Variants in LYRM4 observed in about 807,000 individuals in gnomAD.
LYRM4 encodes the protein LYR motif containing 4.
In LYRM4, 9 loss-of-function variants were observed where a neutral mutation model predicts 11.7. The observed-to-expected ratio is 0.77, with a 90% CI of 0.46 to 1.34. The LOEUF is 1.34. LYRM4 is among the 40% of genes most tolerant of loss of function. LYRM4 has a pLI of 0.00. For synonymous variants in LYRM4, 42 were observed against 40.4 expected, an observed-to-expected ratio of 1.04 and a Z score of -0.15; for missense variants, 133 against 112.5, an observed-to-expected ratio of 1.18 and a Z score of -0.82.
At chr6:5,152,111 T>C (rs1439148205) in intron 2 of LYRM4, among the ~76,000 whole-genome samples, 1 of 152,188 alleles carries the variant, frequency 6.6e-6, no homozygotes, top group South Asian at 2.1e-4. Context: ...CTGGAACCAC[T>C]AAGTATGGGA....
At chr6:5,094,500 A>C in the LYRM4 span, among the ~76,000 whole-genome samples, 1 of 152,184 alleles carries the variant, frequency 6.6e-6, no homozygotes, top group Non-Finnish European at 1.5e-5. Context: ...AAAACAAAAC[A>C]ACAAATTAGA....
intron 1 of LYRM4, among the ~76,000 whole-genome samples, chr6:5,252,750 T>G (rs1764492912): frequency 6.6e-6 from 1 of 152,208 alleles, no homozygotes; most frequent in Admixed American, 6.5e-5. Context: ...TGGCTGTGAC[T>G]GCCCTTCTTC....
intron 2 of LYRM4, among the ~76,000 whole-genome samples, chr6:5,171,148 T>C (rs1399309953): frequency 2.0e-5 from 3 of 152,220 alleles, no homozygotes; most frequent in Admixed American, 2.0e-4. Context: ...GATAAAAAGA[T>C]TATGAATATT....
the LYRM4 span, among the ~76,000 whole-genome samples, chr6:5,063,733 A>T: frequency 2.6e-5 from 4 of 152,082 alleles, no homozygotes; most frequent in Admixed American, 1.3e-4. Context: ...TTGGGGAGCC[A>T]TCTCCCGGGA....
chr6:5,165,482 A>G (rs1353023423), intron 2 of LYRM4, among the ~76,000 whole-genome samples: 4 of 152,162 alleles, frequency 2.6e-5, no homozygotes, highest in African/African-American at 9.7e-5. Context: ...ATTTTTAGAT[A>G]TGACATAACC....
intron 1 of LYRM4, among the ~76,000 whole-genome samples, chr6:5,248,234 C>T (rs923687455): frequency 1.3e-5 from 2 of 152,226 alleles, no homozygotes; most frequent in Non-Finnish European, 2.9e-5. Flanking sequence ...CCAGCTAATT[C>T]TGTTTATCAA....
intron 2 of LYRM4, among the ~76,000 whole-genome samples, chr6:5,149,815 C>T (rs896486191): frequency 1.3e-5 from 2 of 152,184 alleles, no homozygotes; most frequent in African/African-American, 4.8e-5. Context: ...CACACATGGA[C>T]ACACATATGC....
the LYRM4 span, among the ~76,000 whole-genome samples, chr6:5,047,915 A>G: frequency 2.0e-5 from 3 of 152,298 alleles, no homozygotes; most frequent in Middle Eastern, 3.4e-3. Context: ...GTTATGAGGA[A>G]GGGTTCCCAG....
rs575700257 is a variant in LYRM4 at position 5,161,880 on chromosome 6, C to A, written c.208-52389G>T. On this transcript the variant is annotated intron_variant, in intron 2 of 2. Coordinates refer to ENST00000330636, the MANE Select transcript of LYRM4 (RefSeq NM_020408.6). ...CTCTCTGCTGAGATAACACTGGGTG[C>A]CCATTATCTTCAGCGAGGTTCTCAA... 3.9e-5 allele frequency among the ~76,000 whole-genome samples: 6 copies of A among 152,260 alleles called. No individual in the cohort carries two copies. The South Asian group carries it at 1.0e-3, about 26-fold the overall frequency.
intron 2 of LYRM4, among the ~76,000 whole-genome samples, chr6:5,118,603 C>T (rs1466917683): frequency 1.3e-5 from 2 of 152,166 alleles, no homozygotes; most frequent in African/African-American, 4.8e-5. Context: ...GGTGAGATCC[C>T]AGCATGGAGA....
At chr6:5,062,135 T>C in the LYRM4 span, among the ~76,000 whole-genome samples, 1 of 145,574 alleles carries the variant, frequency 6.9e-6, no homozygotes, top group Non-Finnish European at 1.5e-5. Flanking sequence ...CCCAGGCTAG[T>C]GTGCAGTGGT....
the LYRM4 span, among the ~76,000 whole-genome samples, chr6:5,090,015 G>GACACACACACACACACACACACACAC: frequency 4.1e-4 from 61 of 149,748 alleles, no homozygotes; most frequent in African/African-American, 1.4e-3. This position sits in a 1 kb window ranked among gnomAD's most constrained non-coding sequence, Gnocchi z 4.8. Flanking sequence ...CTGAAAGGAA[G>GACACACACACACACACACACACACAC]ACACACACAC....
At chr6:5,066,160 G>T in the LYRM4 span, 1 of 618,560 alleles carries the variant, frequency 1.6e-6, no homozygotes. Flanking sequence ...CCCATTTTGG[G>T]TGTATACATC....
At chr6:5,055,742 C>T in the LYRM4 span, among the ~76,000 whole-genome samples, 1 of 152,188 alleles carries the variant, frequency 6.6e-6, no homozygotes, top group South Asian at 2.1e-4. The surrounding 1 kb of genome is among the most constrained non-coding windows in gnomAD (Gnocchi z 4.5). Flanking sequence ...GCTAAGACAT[C>T]TCTGGTCCCC....
chr6:5,070,096 T>C, the LYRM4 span, among the ~76,000 whole-genome samples: 3 of 152,236 alleles, frequency 2.0e-5, no homozygotes, highest in African/African-American at 7.2e-5. Flanking sequence ...ATTATTCCAT[T>C]TTACAGATAA....
the LYRM4 span, chr6:5,086,291 C>G: frequency 2.0e-6 from 3 of 1,535,586 alleles, no homozygotes; most frequent in Admixed American, 3.9e-5. Context: ...GAGCTGCAGC[C>G]CGAGCCGCTG....
chr6:5,089,619 ATATTT>A, the LYRM4 span: 1 of 152,242 alleles, frequency 6.6e-6, no homozygotes, highest in African/African-American at 2.4e-5. Context: ...TTTCAAAACT[ATATTT>A]TAAAGTTCAA....
intron 2 of LYRM4, among the ~76,000 whole-genome samples, chr6:5,173,964 TG>T (rs377092125): frequency 0.013 from 1,992 of 152,248 alleles, 39 homozygotes; most frequent in African/African-American, 0.044. Flanking sequence ...AACTATAGAC[TG>T]GGGGGCTTTG....
chr6:5,214,632 G>T (rs1260270469), intron 2 of LYRM4, among the ~76,000 whole-genome samples: 1 of 152,196 alleles, frequency 6.6e-6, no homozygotes, highest in Non-Finnish European at 1.5e-5. Context: ...CAGTTACAGA[G>T]AACAGTGTGC....
Sources: allele counts gnomAD v4.1 joint callset (sites outside exome capture counted in the v4.1 genomes callset), GRCh38; gene constraint gnomAD v4.1.1; non-coding constraint Gnocchi (gnomAD v3.1); transcripts MANE v1.5; gene names NCBI Gene and HGNC (gene_info 2026-07-23, HGNC 2026-07-21).